NBEA: variants seen among roughly 807,000 people sequenced by gnomAD.
The protein encoded by NBEA is lysosomal-trafficking regulator 2.
In NBEA, 44 loss-of-function variants were observed where a neutral mutation model predicts 343.4. The observed-to-expected ratio is 0.13, with a 90% CI of 0.10 to 0.16. NBEA has a LOEUF of 0.16. Among genes scored for constraint, NBEA ranks in the 10% least tolerant of loss-of-function variants. The pLI, the probability that NBEA is intolerant of heterozygous loss-of-function variation, is 1.00. For missense variants in NBEA, 2,555 were observed against 3,631.3 expected (o/e 0.70, Z 7.62); for synonymous variants, 1,175 against 1,238.7 (o/e 0.95, Z 1.08).
At chr13:35,297,572 AC>A (rs1420195477) in intron 35 of NBEA, among the ~76,000 whole-genome samples, 1 of 152,028 alleles carries the variant, frequency 6.6e-6, no homozygotes, top group African/African-American at 2.4e-5. Context: ...AGAAGAAAAG[AC>A]TACTTAAGGA....
Position 35,110,830 on chromosome 13 carries a change from A to G in NBEA, c.1854A>G (p.Thr618=), listed in dbSNP as rs1468871755. 8.7e-6 allele frequency: 14 copies of G among 1,612,030 alleles called. No homozygotes were observed. The highest frequency in any genetic ancestry group is 8.3e-5 in the Admixed American group (5 of 59,956). ...ATTAGGTTCAGCTTTCCCTATACAC[A>G]TATTTGTCTGCTGAATTTATTGGAA... ...TPAKVQLSLY[T]YLSAEFIGTA... is the part of the protein sequence containing the mutation. The change falls in exon 13 of 59, where the codon ACA becomes ACG. Residue 618 remains threonine, a synonymous_variant. Transcript: ENST00000379939.
intron 38 of NBEA, among the ~76,000 whole-genome samples, chr13:35,354,383 C>T (rs2040376898): frequency 6.6e-6 from 1 of 152,094 alleles, no homozygotes; most frequent in Non-Finnish European, 1.5e-5. Flanking sequence ...TAAAGCAGTA[C>T]ATGGTTTGGG....
chr13:35,475,489 G>C (rs777847509), intron 41 of NBEA: 1 of 1,612,402 alleles, frequency 6.2e-7, no homozygotes, highest in South Asian at 1.1e-5. Context: ...GCCGGCCAAG[G>C]AGTGGCACTC....
At chr13:35,349,993 T>C (rs2040098199) in intron 37 of NBEA, among the ~76,000 whole-genome samples, 1 of 152,114 alleles carries the variant, frequency 6.6e-6, no homozygotes, top group African/African-American at 2.4e-5. Flanking sequence ...CAGCCACTTG[T>C]CTTGTGAAAT....
chr13:35,644,393 C>A (rs1237622024), intron 49 of NBEA, among the ~76,000 whole-genome samples: 2 of 152,074 alleles, frequency 1.3e-5, no homozygotes, highest in Non-Finnish European at 2.9e-5. Context: ...AAATTTTATC[C>A]ATTTCATAAC....
intron 41 of NBEA, among the ~76,000 whole-genome samples, chr13:35,528,063 C>G (rs1312026024): frequency 2.0e-5 from 3 of 152,172 alleles, no homozygotes; most frequent in African/African-American, 4.8e-5. Flanking sequence ...TCCCTAGAAA[C>G]TCCACATTAT....
At chr13:35,065,399 T>C (rs1284223492) in intron 8 of NBEA, among the ~76,000 whole-genome samples, 1 of 152,056 alleles carries the variant, frequency 6.6e-6, no homozygotes, top group Non-Finnish European at 1.5e-5. Flanking sequence ...TCTTTTTCCT[T>C]ATATCTAGTA....
intron 34 of NBEA, among the ~76,000 whole-genome samples, chr13:35,239,316 G>A (rs537165787): frequency 6.6e-6 from 1 of 152,076 alleles, no homozygotes; most frequent in South Asian, 2.1e-4. Flanking sequence ...TTTGTGGCAA[G>A]GACTCATGGT....
intron 38 of NBEA, among the ~76,000 whole-genome samples, chr13:35,366,085 C>T (rs1479840392): frequency 6.6e-6 from 1 of 151,508 alleles, no homozygotes; most frequent in Admixed American, 6.6e-5. Context: ...TTTTAAGTAA[C>T]TGAGTTAAAA....
chr13:35,082,083 C>G (rs1405459667), intron 10 of NBEA, among the ~76,000 whole-genome samples: 1 of 152,062 alleles, frequency 6.6e-6, no homozygotes, highest in African/African-American at 2.4e-5. Context: ...CACCCCACAA[C>G]AGGCCCCAGT....
chr13:35,391,132 G>A (rs1040874584), intron 38 of NBEA, among the ~76,000 whole-genome samples: 2 of 151,962 alleles, frequency 1.3e-5, no homozygotes, highest in South Asian at 4.2e-4. Flanking sequence ...AAAATTTGCT[G>A]GGCTTGATGG....
At chr13:34,944,243 A>T (rs922223466) in intron 1 of NBEA, among the ~76,000 whole-genome samples, 4 of 152,220 alleles carry the variant, frequency 2.6e-5, no homozygotes, top group African/African-American at 9.6e-5. Flanking sequence ...ATATGCTTAC[A>T]GGGGTACTTT....
intron 11 of NBEA, among the ~76,000 whole-genome samples, chr13:35,105,684 C>G (rs2065885756): frequency 6.6e-6 from 1 of 151,964 alleles, no homozygotes; most frequent in African/African-American, 2.4e-5. Flanking sequence ...TGATCATTGC[C>G]TGCCACCCTC....
At chr13:35,601,599 T>TA (rs1410532238) in intron 47 of NBEA, among the ~76,000 whole-genome samples, 1 of 151,538 alleles carries the variant, frequency 6.6e-6, no homozygotes, top group Non-Finnish European at 1.5e-5. Context: ...CCATCTCTAC[T>TA]AAAAATACAA....
At chr13:35,225,363 C>T (rs1005257796) in intron 33 of NBEA, among the ~76,000 whole-genome samples, 4 of 152,086 alleles carry the variant, frequency 2.6e-5, no homozygotes, top group African/African-American at 9.7e-5. Flanking sequence ...TGCAACAGGC[C>T]TCCTACTGTG....
chr13:35,354,879 C>T (rs1450683510), intron 38 of NBEA, among the ~76,000 whole-genome samples: 1 of 152,074 alleles, frequency 6.6e-6, no homozygotes, highest in Non-Finnish European at 1.5e-5. Context: ...TTCATCTGCC[C>T]ACTTGGTATC....
At chr13:35,570,555 AG>A in intron 45 of NBEA, among the ~76,000 whole-genome samples, 1 of 152,352 alleles carries the variant, frequency 6.6e-6, no homozygotes, top group East Asian at 1.9e-4. Flanking sequence ...AGCTCTTAAA[AG>A]ATAGGTAGCT....
At chr13:35,271,820 G>T (rs2034181127) in intron 34 of NBEA, among the ~76,000 whole-genome samples, 1 of 152,132 alleles carries the variant, frequency 6.6e-6, no homozygotes, top group Non-Finnish European at 1.5e-5. Flanking sequence ...AGAGTGAAAA[G>T]AAATGAACAA....
At chr13:35,319,223 T>A (rs929023834) in intron 36 of NBEA, among the ~76,000 whole-genome samples, 5 of 152,186 alleles carry the variant, frequency 3.3e-5, no homozygotes, top group Admixed American at 3.3e-4. Context: ...CCGCTTTCCA[T>A]TGTGGGCATT....
Sources: allele counts gnomAD v4.1 joint callset (sites outside exome capture counted in the v4.1 genomes callset), GRCh38; gene constraint gnomAD v4.1.1; transcripts MANE v1.5; gene names NCBI Gene and HGNC (gene_info 2026-07-23, HGNC 2026-07-21).